IGFL2: variants seen among roughly 807,000 people sequenced by gnomAD.
The protein encoded by IGFL2 is insulin growth factor-like family member 2.
IGFL2 carries 7 observed loss-of-function variants against 13.9 expected under a neutral mutation model. The observed-to-expected ratio is 0.51, with a 90% CI of 0.29 to 0.95. The LOEUF (loss-of-function observed/expected upper bound fraction) is 0.95, where lower values mean the gene tolerates loss of function less well. Ranked by LOEUF, IGFL2 falls within the 40% of genes least tolerant of loss-of-function variation. IGFL2 has a pLI of 0.08. For missense variants in IGFL2, 138 were observed against 147.8 expected (o/e 0.93, Z 0.34); for synonymous variants, 55 against 55.8 (o/e 0.99, Z 0.07).
At chr19:46,143,895 G>C (rs931441490), upstream of IGFL2, among the ~76,000 whole-genome samples, 1 of 152,100 alleles carries the variant, frequency 6.6e-6, no homozygotes, top group African/African-American at 2.4e-5. Flanking sequence ...CCAACACGTG[G>C]CCTCTGTTAT....
chr19:46,167,158 C>T, the IGFL2 span, among the ~76,000 whole-genome samples: 3 of 152,144 alleles, frequency 2.0e-5, no homozygotes, highest in Admixed American at 2.0e-4. Context: ...AATAAATGTC[C>T]CTAAAATCTT....
At chr19:46,141,813 C>G (rs1361462981), upstream of IGFL2, among the ~76,000 whole-genome samples, 1 of 152,190 alleles carries the variant, frequency 6.6e-6, no homozygotes, top group Non-Finnish European at 1.5e-5. Context: ...CACTGTCTTG[C>G]CATTGGTCAG....
chr19:46,169,847 CAAAAAAA>C, the IGFL2 span, among the ~76,000 whole-genome samples: 116 of 113,610 alleles, frequency 1.0e-3, 1 homozygote, highest in Middle Eastern at 0.021. Flanking sequence ...GACTCTGTCT[CAAAAAAA>C]AAAAAAAAAA....
the IGFL2 span, among the ~76,000 whole-genome samples, chr19:46,188,816 CCAGAGGCACACCTTTAGCAACTCGGA>C: frequency 6.6e-6 from 1 of 152,190 alleles, no homozygotes; most frequent in Non-Finnish European, 1.5e-5. Flanking sequence ...CAGCATATGG[CCAGAGGCACACCTTTAGCAACTCGGA>C]CAGAGCCCCC....
At chr19:46,124,768 TC>T in the IGFL2 span, 1 of 829,524 alleles carries the variant, frequency 1.2e-6, no homozygotes, top group African/African-American at 1.7e-5. Flanking sequence ...TGGCTGCTGA[TC>T]ATGCCACCTG....
chr19:46,104,108 C>A, the IGFL2 span, among the ~76,000 whole-genome samples: 41 of 152,282 alleles, frequency 2.7e-4, no homozygotes, highest in Admixed American at 2.5e-3. Flanking sequence ...AGAAGATGAG[C>A]AGCCTGGCAA....
chr19:46,138,981 C>G (rs1429186150), upstream of IGFL2, among the ~76,000 whole-genome samples: 1 of 151,620 alleles, frequency 6.6e-6, no homozygotes, highest in Non-Finnish European at 1.5e-5. Flanking sequence ...CTGTCCCTGC[C>G]AACTCTCCAA....
intron 1 of IGFL2, among the ~76,000 whole-genome samples, chr19:46,157,549 T>C (rs1346755802): frequency 6.6e-6 from 1 of 152,224 alleles, no homozygotes; most frequent in Non-Finnish European, 1.5e-5. Flanking sequence ...CATCAATTGA[T>C]GCTGAAAAAG....
At chr19:46,199,880 A>T in the IGFL2 span, among the ~76,000 whole-genome samples, 6 of 151,992 alleles carry the variant, frequency 3.9e-5, no homozygotes, top group Admixed American at 3.9e-4. Context: ...TTCCTTTTTA[A>T]ATTTTTTTTT....
chr19:46,137,836 G>A, the IGFL2 span, among the ~76,000 whole-genome samples: 1 of 152,200 alleles, frequency 6.6e-6, no homozygotes, highest in Non-Finnish European at 1.5e-5. Flanking sequence ...ATTATATTAT[G>A]AAGTTCTTGT....
chr19:46,083,142 A>G, the IGFL2 span, among the ~76,000 whole-genome samples: 1 of 152,204 alleles, frequency 6.6e-6, no homozygotes, highest in Non-Finnish European at 1.5e-5. Context: ...TTAACATATA[A>G]CTGAGTGCAT....
the IGFL2 span, among the ~76,000 whole-genome samples, chr19:46,202,091 A>C: frequency 2.0e-5 from 3 of 152,108 alleles, no homozygotes; most frequent in Non-Finnish European, 2.9e-5. Flanking sequence ...TCACAGAAAA[A>C]GAAGATTTAA....
At chr19:46,124,258 C>T in the IGFL2 span, 1 of 1,610,216 alleles carries the variant, frequency 6.2e-7, no homozygotes, top group South Asian at 1.1e-5. Flanking sequence ...TTTCCCTGTC[C>T]TGTCCTTACC....
chr19:46,119,532 G>A, the IGFL2 span, among the ~76,000 whole-genome samples: 5,978 of 141,452 alleles, frequency 0.042, 281 homozygotes, highest in Non-Finnish European at 0.054. Context: ...TCATCCCACT[G>A]CTGCTACTAC....
chr19:46,213,620 T>TC, the IGFL2 span: 1 of 153,880 alleles, frequency 6.5e-6, no homozygotes, highest in East Asian at 1.9e-4. Context: ...CGTGAATTGC[T>TC]CACAGCAATT....
chr19:46,198,490 A>G, the IGFL2 span: 3 of 152,152 alleles, frequency 2.0e-5, no homozygotes, highest in Non-Finnish European at 4.4e-5. Flanking sequence ...TACCAGAGTC[A>G]TGAACGAAGG....
the IGFL2 span, among the ~76,000 whole-genome samples, chr19:46,210,975 G>A: frequency 6.6e-6 from 1 of 152,184 alleles, no homozygotes; most frequent in Non-Finnish European, 1.5e-5. Context: ...TGCAGGTGGG[G>A]TTCTGGATAC....
the IGFL2 span, among the ~76,000 whole-genome samples, chr19:46,197,762 G>A: frequency 6.6e-6 from 1 of 152,088 alleles, no homozygotes; most frequent in East Asian, 1.9e-4. Flanking sequence ...AAACTCTTGG[G>A]TTCAAACGAT....
At chr19:46,083,337 T>C in the IGFL2 span, among the ~76,000 whole-genome samples, 1 of 152,204 alleles carries the variant, frequency 6.6e-6, no homozygotes, top group Admixed American at 6.5e-5. Context: ...ATTCACAAAA[T>C]GGAAATCTAG....
Sources: allele counts gnomAD v4.1 joint callset (sites outside exome capture counted in the v4.1 genomes callset), GRCh38; gene constraint gnomAD v4.1.1; transcripts MANE v1.5; gene names NCBI Gene and HGNC (gene_info 2026-07-23, HGNC 2026-07-21).